Variants in CTNNA2 observed in about 807,000 individuals in gnomAD.
CTNNA2 encodes catenin alpha-2.
In CTNNA2, 42 loss-of-function variants were observed where a neutral mutation model predicts 101.0. The ratio of observed to expected loss-of-function variants is 0.42; its 90% CI spans 0.32 to 0.54. The LOEUF is 0.54. Ranked by LOEUF, CTNNA2 falls within the 20% of genes least tolerant of loss-of-function variation. The pLI, the probability that CTNNA2 is intolerant of heterozygous loss-of-function variation, is 0.14. For missense variants in CTNNA2, 871 were observed against 1,223.1 expected (o/e 0.71, Z 4.29); for synonymous variants, 450 against 456.4 (o/e 0.99, Z 0.18).
At chr2:80,072,973 T>C (rs1053166425) in intron 7 of CTNNA2, among the ~76,000 whole-genome samples, 7 of 152,194 alleles carry the variant, frequency 4.6e-5, no homozygotes, top group African/African-American at 1.2e-4. Flanking sequence ...GATGTATGAG[T>C]CTATTTTCGT....
intron 4 of CTNNA2, among the ~76,000 whole-genome samples, chr2:79,385,706 C>T (rs6733863): frequency 0.011 from 1,743 of 151,988 alleles, 39 homozygotes; most frequent in African/African-American, 0.04. Flanking sequence ...CCAACAGGCC[C>T]GGGTGTGTGA....
At chr2:80,451,302 A>T (rs1426308397) in intron 9 of CTNNA2, among the ~76,000 whole-genome samples, 1 of 152,128 alleles carries the variant, frequency 6.6e-6, no homozygotes, top group African/African-American at 2.4e-5. Context: ...GTGAGTTTTC[A>T]TGAGATCTGA....
At chr2:79,212,764 G>T (rs1023393249) in intron 2 of CTNNA2, among the ~76,000 whole-genome samples, 7 of 152,166 alleles carry the variant, frequency 4.6e-5, no homozygotes, top group Non-Finnish European at 8.8e-5. Flanking sequence ...CCTAGACTAA[G>T]AGGTATTTTA....
intron 2 of CTNNA2, among the ~76,000 whole-genome samples, chr2:79,243,007 C>CACACACAT (rs1553385629): frequency 6.3e-4 from 90 of 142,734 alleles, no homozygotes; most frequent in African/African-American, 2.0e-3. Context: ...CACACACACA[C>CACACACAT]ACACACACAC....
intron 4 of CTNNA2, among the ~76,000 whole-genome samples, chr2:79,389,875 C>T (rs748690066): frequency 2.2e-4 from 33 of 152,064 alleles, no homozygotes; most frequent in Non-Finnish European, 1.0e-4. Flanking sequence ...TATTACTACA[C>T]AATTATATCA....
chr2:80,582,252 G>C (rs1295244914), intron 14 of CTNNA2, among the ~76,000 whole-genome samples: 2 of 152,082 alleles, frequency 1.3e-5, no homozygotes, highest in South Asian at 2.1e-4. Context: ...GTTTATAGCT[G>C]GGCTGTTGCT....
intron 3 of CTNNA2, among the ~76,000 whole-genome samples, chr2:79,833,090 T>TA (rs1679050551): frequency 6.6e-6 from 1 of 152,214 alleles, no homozygotes; most frequent in Non-Finnish European, 1.5e-5. Flanking sequence ...GTAAGGCATG[T>TA]GATTACCTGG....
chr2:80,546,215 C>T lies in CTNNA2; in HGVS notation c.1540+152C>T. 3 of 930,406 alleles carry T rather than the reference C, an allele frequency of 3.2e-6. No homozygotes were observed. The South Asian group carries it at 5.3e-5, about 17-fold the overall frequency. 57.6% of individuals were successfully genotyped at this position (930,406 alleles called of 1,614,324 possible). A position where few individuals can be genotyped will look rare whatever the true frequency, so the allele number is the denominator to read the frequency against. On this transcript the variant is annotated intron_variant, in intron 11 of 18. Coordinates refer to ENST00000402739, the MANE Select transcript of CTNNA2 (RefSeq NM_001282597.3). Reference sequence around the variant, plus strand: ...ATCATCTCTGCAAATGTGATTATAACACCCTCTTAGATGCTTCGGTGTTTA... The same window carrying T: ...ATCATCTCTGCAAATGTGATTATAATACCCTCTTAGATGCTTCGGTGTTTA...
intron 1 of CTNNA2, among the ~76,000 whole-genome samples, chr2:79,187,274 T>TCTTTTCTTTTCTTTTC (rs1230248088): frequency 7.4e-6 from 1 of 134,472 alleles, no homozygotes; most frequent in African/African-American, 2.8e-5. Context: ...TCTTTTCTTT[T>TCTTTTCTTTTCTTTTC]TTTTTTTTTT....
chr2:80,108,430 C>T (rs1456224371), intron 7 of CTNNA2, among the ~76,000 whole-genome samples: 2 of 152,188 alleles, frequency 1.3e-5, no homozygotes, highest in Non-Finnish European at 2.9e-5. Flanking sequence ...AGTCCACTCT[C>T]AGTGACAGCA....
intron 2 of CTNNA2, among the ~76,000 whole-genome samples, chr2:79,243,780 G>C (rs1674663904): frequency 6.6e-6 from 1 of 152,156 alleles, no homozygotes; most frequent in Non-Finnish European, 1.5e-5. Context: ...CGAGGGAAGG[G>C]AGAAGGGGTA....
At chr2:79,545,056 A>G (rs537594736) in intron 1 of CTNNA2, among the ~76,000 whole-genome samples, 3 of 152,314 alleles carry the variant, frequency 2.0e-5, no homozygotes, top group African/African-American at 7.2e-5. Flanking sequence ...TATCTACACA[A>G]TATTTAAATT....
rs1253347707 is a variant in CTNNA2, at chr2:80,307,074, AT to A, written c.1057-86133del. On this transcript the variant is annotated intron_variant, in intron 7 of 18. Transcript: ENST00000402739. The stretch of plus-strand genomic sequence containing the variant: ...ATATATATATTATATATAAATATAT[AT>A]TTTCTATATATTGCTTTTTGCATTA... 4.0e-5 allele frequency among the ~76,000 whole-genome samples: 6 copies of A among 148,752 alleles called. No individual in the cohort carries two copies. The East Asian group carries it at 1.2e-3, about 29-fold the overall frequency.
At chr2:79,656,204 A>G (rs1485643144) in intron 2 of CTNNA2, among the ~76,000 whole-genome samples, 3 of 152,172 alleles carry the variant, frequency 2.0e-5, no homozygotes, top group African/African-American at 4.8e-5. Context: ...TTGGAATTAA[A>G]CCTTCATGAT....
intron 7 of CTNNA2, among the ~76,000 whole-genome samples, chr2:80,017,916 G>A (rs565835900): frequency 6.6e-6 from 1 of 150,970 alleles, no homozygotes; most frequent in Admixed American, 6.6e-5. Flanking sequence ...TTAGAAAATG[G>A]ATATAATCTC....
intron 1 of CTNNA2, among the ~76,000 whole-genome samples, chr2:79,636,434 C>T (rs1009285224): frequency 6.6e-6 from 1 of 151,838 alleles, no homozygotes; most frequent in African/African-American, 2.4e-5. Flanking sequence ...CCATGAAGGG[C>T]ATGGGTCTAG....
At chr2:80,062,046 A>G (rs1697632701) in intron 7 of CTNNA2, among the ~76,000 whole-genome samples, 1 of 152,258 alleles carries the variant, frequency 6.6e-6, no homozygotes, top group African/African-American at 2.4e-5. Flanking sequence ...AGTTCTGTGC[A>G]GCTTACAAAG....
At chr2:80,445,911 A>T (rs1683034185) in intron 9 of CTNNA2, among the ~76,000 whole-genome samples, 1 of 152,026 alleles carries the variant, frequency 6.6e-6, no homozygotes, top group Non-Finnish European at 1.5e-5. Context: ...CTCTTATAGG[A>T]TGTGTAGCAT....
chr2:80,246,726 A>T (rs1210555184), intron 7 of CTNNA2, among the ~76,000 whole-genome samples: 2 of 152,202 alleles, frequency 1.3e-5, no homozygotes, highest in Non-Finnish European at 2.9e-5. Flanking sequence ...ATGATGCTAG[A>T]TCTAGAATCA....
Sources: gnomAD v4.1 joint callset for allele counts (sites outside exome capture counted in the v4.1 genomes callset) on GRCh38, gnomAD v4.1.1 for gene constraint, MANE v1.5 for transcripts, NCBI Gene and HGNC (gene_info 2026-07-23, HGNC 2026-07-21) for gene names.